The following ZNF611 variants were observed in gnomAD, a reference collection of about 807,000 sequenced individuals.
The protein encoded by ZNF611 is zinc finger protein 611.
In ZNF611, 6 loss-of-function variants were observed where a neutral mutation model predicts 8.9. The ratio of observed to expected loss-of-function variants is 0.68; its 90% confidence interval spans 0.37 to 1.34. ZNF611 has a LOEUF of 1.34. ZNF611 is among the 40% of genes most tolerant of loss of function. ZNF611 has a pLI of 0.02. For synonymous variants in ZNF611, 262 were observed against 279.7 expected (o/e 0.94, Z 0.63); for missense variants, 874 against 841.3 (o/e 1.04, Z -0.48).
intron 5 of ZNF611, among the ~76,000 whole-genome samples, chr19:52,711,561 AAT>A (rs1651752582): frequency 6.6e-6 from 1 of 152,172 alleles, no homozygotes. Flanking sequence ...AGACACAGAA[AAT>A]ATGAGGAGAA....
At chr19:52,707,753 G>C (rs2062254875) in intron 5 of ZNF611, among the ~76,000 whole-genome samples, 1 of 151,866 alleles carries the variant, frequency 6.6e-6, no homozygotes, top group Admixed American at 6.6e-5. Flanking sequence ...TCCTGCCTCA[G>C]CTTCCAGAGT....
rs555853365 is a variant in ZNF611 at position 52,704,401 on chromosome 19, C to T, written c.*536G>A. The T allele has an allele frequency of 1.3e-5, 9 of 669,860 alleles. No individual in the cohort carries two copies. In the East Asian group the frequency reaches 2.5e-4, roughly 18 times the overall value. The allele number at this position is 669,860 out of a possible 1,614,324, so 41.5% of individuals were successfully genotyped here. A position where few individuals can be genotyped will look rare whatever the true frequency, so the allele number is the denominator to read the frequency against. On this transcript the variant is annotated 3_prime_UTR_variant, in exon 6 of 6. Transcript: ENST00000652185. ...TCTCTGATGTCTAATGACGTGTGAA[C>T]GTGAAGCAAAGGCTTTGCCACAATC...
At position 52,715,233 on chromosome 19, in the gene ZNF611, G is replaced by A. The variant is rs769784118; in HGVS notation, c.63+599C>T. ...AGCACTTTGGGAGGCTGAGGTGGGC[G>A]GATCACAAGGTCAGGAGTTCGAGAC... On this transcript the variant is annotated intron_variant, in intron 4 of 5. Transcript: ENST00000652185. 5.3e-5 allele frequency among the ~76,000 whole-genome samples: 8 copies of A among 151,916 alleles called. No individual in the cohort carries two copies. In the East Asian group the frequency reaches 5.8e-4, roughly 11 times the overall value.
At chr19:52,709,235 T>G (rs2062264326) in intron 5 of ZNF611, among the ~76,000 whole-genome samples, 1 of 152,076 alleles carries the variant, frequency 6.6e-6, no homozygotes, top group African/African-American at 2.4e-5. Context: ...TAATTGTATT[T>G]TTTCTTTCTT....
chr19:52,727,096 CTT>C (rs1416454170), intron 3 of ZNF611, among the ~76,000 whole-genome samples: 2 of 151,952 alleles, frequency 1.3e-5, no homozygotes, highest in Admixed American at 1.3e-4. Context: ...GAACTCCTGA[CTT>C]CAAGTGATCC....
chr19:52,711,276 G>C (rs914689902), intron 5 of ZNF611: 2 of 151,860 alleles, frequency 1.3e-5, no homozygotes, highest in Non-Finnish European at 2.9e-5. Context: ...AGGTTGCGGT[G>C]AACTCAGATT....
chr19:52,706,734 C>G lies in ZNF611; in HGVS notation c.321G>C (p.Glu107Asp). 1 of 1,614,144 alleles carries G rather than the reference C, an allele frequency of 6.2e-7. No homozygotes were observed. The highest frequency in any genetic ancestry group is 8.5e-7 in the Non-Finnish European group (1 of 1,180,018). Residue 107 changes from glutamate to aspartate, a missense_variant, in exon 6 of 6, where the codon GAG becomes GAC. By Grantham distance (45) the Glu-to-Asp change is conservative (BLOSUM62 2). Coordinates refer to ENST00000652185, the MANE Select transcript of ZNF611 (RefSeq NM_001161499.2). The part of the protein sequence containing the change: ...HIGDFCFQEI[E>D]KEIHDIEFQC... ...GAAACTCAATGTCATGAATTTCTTT[C>G]TCAATTTCCTGGAAGCAAAAATCTC...
In ZNF611 at chr19:52,704,757, A is replaced by C; in HGVS notation, c.*180T>G. The C allele has an allele frequency of 6.3e-7, 1 of 1,594,598 alleles. No homozygotes were observed. The highest frequency in any genetic ancestry group is 8.6e-7 in the Non-Finnish European group (1 of 1,163,318). On this transcript the variant is annotated 3_prime_UTR_variant, in exon 6 of 6. Coordinates refer to ENST00000652185, the MANE Select transcript of ZNF611 (RefSeq NM_001161499.2). ...TTGACTGCTTGCCAAAGGCTTTGCCACACTCATTACACTTGTAAGGTTTCT... is the reference window on the plus strand; with the variant it reads ...TTGACTGCTTGCCAAAGGCTTTGCCCCACTCATTACACTTGTAAGGTTTCT...
chr19:52,731,713 G>A (rs1033724365), intron 1 of ZNF611, among the ~76,000 whole-genome samples: 3 of 151,658 alleles, frequency 2.0e-5, no homozygotes, highest in African/African-American at 4.8e-5. Flanking sequence ...GCTTACGCCC[G>A]TAATCCCAGC....
intron 5 of ZNF611, among the ~76,000 whole-genome samples, chr19:52,713,088 C>G (rs1210301854): frequency 6.6e-6 from 1 of 152,046 alleles, no homozygotes; most frequent in Non-Finnish European, 1.5e-5. Context: ...CCCAGCCACT[C>G]AAGAGGCTGA....
chr19:52,719,310 A>T lies in ZNF611; in HGVS notation c.-19-3397T>A, dbSNP rs1327569788. On this transcript the variant is annotated intron_variant, in intron 3 of 5. Transcript: ENST00000652185. ...CTCCTTTCATCACGTTCCATATAGT[A>T]ACAGAGACTCAGTCACTTCTTACCC... 4.0e-5 allele frequency among the ~76,000 whole-genome samples: 6 copies of T among 151,228 alleles called. No homozygotes were observed. In the East Asian group the frequency reaches 9.6e-4, roughly 24 times the overall value.
chr19:52,709,436 A>G (rs113755190), intron 5 of ZNF611, among the ~76,000 whole-genome samples: 47 of 151,286 alleles, frequency 3.1e-4, no homozygotes, highest in African/African-American at 9.2e-4. Flanking sequence ...CCATGCCCAG[A>G]TAATTTTTAT....
rs1420219948 is a variant in ZNF611, at chr19:52,712,659, CTG to C, written c.190+1354_190+1355del. Among the ~76,000 whole-genome samples, 5 of 150,496 alleles carry C rather than the reference CTG, an allele frequency of 3.3e-5. No individual in the cohort carries two copies. The East Asian group carries it at 7.8e-4, about 24-fold the overall frequency. On this transcript the variant is annotated intron_variant, in intron 5 of 5. Coordinates refer to ENST00000652185, the MANE Select transcript of ZNF611 (RefSeq NM_001161499.2). ...TCTGAAAAAAAAAAAAAGAAAGAAA[CTG>C]TACCTTTAATAGACATATGGTTTTG...
intron 1 of ZNF611, among the ~76,000 whole-genome samples, chr19:52,734,188 T>G (rs11671299): frequency 1.2e-4 from 3 of 25,554 alleles, no homozygotes; most frequent in Non-Finnish European, 2.1e-4. Context: ...CTTTCTTAGG[T>G]TTTTTTTTTT....
rs112529051 is a variant in ZNF611, at chr19:52,731,525, G to A, written c.-221-1520C>T. Among the ~76,000 whole-genome samples, 851 of 151,728 alleles carry A rather than the reference G, an allele frequency of 5.6e-3. 4 individuals carry two copies. The highest frequency in any genetic ancestry group is 0.019 in the African/African-American group (801 of 41,382). On this transcript the variant is annotated intron_variant, in intron 1 of 5. Transcript: ENST00000652185. The stretch of plus-strand genomic sequence containing the variant: ...ATTACAGGAGTCTGCCATCACTACC[G>A]GCTAATTTTTGTATTTTTTTTTTTG...
At chr19:52,723,125 TTTC>T (rs1275609484) in intron 3 of ZNF611, among the ~76,000 whole-genome samples, 1 of 151,810 alleles carries the variant, frequency 6.6e-6, no homozygotes, top group Admixed American at 6.6e-5. Flanking sequence ...TAGCTCTTGT[TTTC>T]TTTTCTTTTT....
chr19:52,729,068 C>A lies in ZNF611; in HGVS notation c.-121-237G>T, dbSNP rs11669363. The A allele has an allele frequency of 0.36, 55,244 of 152,024 alleles. 10,401 individuals carry two copies. Among genetic ancestry groups the A allele is most frequent in the African/African-American group, 0.46 (19,165 of 41,438 alleles). 9.4% of individuals were successfully genotyped at this position (152,024 alleles called of 1,614,324 possible). A position where few individuals can be genotyped will look rare whatever the true frequency, so the allele number is the denominator to read the frequency against. On this transcript the variant is annotated intron_variant, in intron 2 of 5. Coordinates refer to ENST00000652185, the MANE Select transcript of ZNF611 (RefSeq NM_001161499.2). ...CCATGACAAAACACTGACAGGGCAC[C>A]AACATGTGTAAGCCTAAAGTAAGGA... is the stretch of plus-strand genomic sequence containing the variant.
chr19:52,710,226 ATTTTTTTTTTTTTT>A (rs574509484), intron 5 of ZNF611, among the ~76,000 whole-genome samples: 1 of 132,556 alleles, frequency 7.5e-6, no homozygotes, highest in Non-Finnish European at 1.6e-5. Context: ...TGCCTGGCTA[ATTTTTTTTTTTTTT>A]TTTTTTGGGA....
At chr19:52,728,586 A>G (rs540252337) in intron 3 of ZNF611, 144 bp downstream of exon 3, 1 of 152,330 alleles carries the variant, frequency 6.6e-6, no homozygotes, top group South Asian at 2.1e-4. Context: ...CTCAGAAAAC[A>G]GAAAATGCAT....
Sources: allele counts gnomAD v4.1 joint callset (sites outside exome capture counted in the v4.1 genomes callset), GRCh38; gene constraint gnomAD v4.1.1; transcripts MANE v1.5; gene names NCBI Gene and HGNC (gene_info 2026-07-23, HGNC 2026-07-21).